ERICH5: variants seen among roughly 807,000 people sequenced by gnomAD.
ERICH5 encodes glutamate-rich protein 5.
A neutral mutation model predicts 28.0 loss-of-function variants in ERICH5; 24 were observed. That is an observed-to-expected ratio of 0.86 (90% confidence interval 0.62 to 1.21). The LOEUF (loss-of-function observed/expected upper bound fraction) is 1.21. Among genes scored for constraint, ERICH5 ranks in the 50% most tolerant of loss-of-function variants. The pLI, the probability that ERICH5 is intolerant of heterozygous loss-of-function variation, is 0.00. For missense variants in ERICH5, 421 were observed against 441.2 expected, an observed-to-expected ratio of 0.95 and a Z score of 0.41; for synonymous variants, 163 against 157.6, an observed-to-expected ratio of 1.03 and a Z score of -0.25.
Position 98,089,581 on chromosome 8 carries a change from A to G in ERICH5, c.564A>G (p.Leu188=). The G allele has an allele frequency of 6.2e-7, 1 of 1,614,254 alleles. No individual in the cohort carries two copies. The highest frequency in any genetic ancestry group is 8.5e-7 in the Non-Finnish European group (1 of 1,180,050). Residue 188 remains leucine, a synonymous_variant, in exon 2 of 3, where the codon CTA becomes CTG. Transcript: ENST00000318528. ...AAACTGCTGCAGAGATGAAGCCTCT[A>G]GGAACAACTGAGAACGTTCTGACTC... ...NPQTAAEMKP[L]GTTENVLTLQ...
At chr8:98,069,056 T>C (rs1041627525) in intron 1 of ERICH5, among the ~76,000 whole-genome samples, 2 of 152,230 alleles carry the variant, frequency 1.3e-5, no homozygotes, top group African/African-American at 4.8e-5. Flanking sequence ...TCCTTTTGAA[T>C]TGAAGAACAA....
chr8:98,087,587 A>G (rs1229451277), intron 1 of ERICH5, among the ~76,000 whole-genome samples: 1 of 151,752 alleles, frequency 6.6e-6, no homozygotes, highest in Admixed American at 6.6e-5. Flanking sequence ...CTCCCCCATC[A>G]TTTGTGATTT....
At chr8:98,085,783 T>A (rs927479299) in intron 1 of ERICH5, among the ~76,000 whole-genome samples, 1 of 152,238 alleles carries the variant, frequency 6.6e-6, no homozygotes, top group African/African-American at 2.4e-5. Flanking sequence ...TATCCTTTCC[T>A]GAGTCCTCCA....
chr8:98,080,634 T>TCTTCTC (rs963175629), intron 1 of ERICH5, among the ~76,000 whole-genome samples: 1 of 150,794 alleles, frequency 6.6e-6, no homozygotes, highest in African/African-American at 2.4e-5. Flanking sequence ...TCCTTCACCT[T>TCTTCTC]CTTCTCCTTC....
At chr8:98,077,072 G>C (rs1392687528) in intron 1 of ERICH5, among the ~76,000 whole-genome samples, 3 of 151,018 alleles carry the variant, frequency 2.0e-5, no homozygotes, top group Non-Finnish European at 2.9e-5. Flanking sequence ...AGACCAGCCT[G>C]GGCAACATAG....
intron 1 of ERICH5, among the ~76,000 whole-genome samples, chr8:98,066,554 G>A (rs1814822425): frequency 6.6e-6 from 1 of 152,204 alleles, no homozygotes; most frequent in Admixed American, 6.5e-5. Context: ...ACTATTCCAC[G>A]TGAGTTACAC....
At chr8:98,072,053 C>T (rs1482915317) in intron 1 of ERICH5, among the ~76,000 whole-genome samples, 1 of 151,968 alleles carries the variant, frequency 6.6e-6, no homozygotes, top group Non-Finnish European at 1.5e-5. Context: ...TGCCCAGCCC[C>T]ACATGGTTTT....
chr8:98,069,092 G>A (rs146772448), intron 1 of ERICH5, among the ~76,000 whole-genome samples: 1,565 of 152,230 alleles, frequency 0.01, 31 homozygotes, highest in African/African-American at 0.036. Flanking sequence ...AATTTAATTT[G>A]TATAGGCTTT....
At chr8:98,075,080 A>G (rs1272648676) in intron 1 of ERICH5, among the ~76,000 whole-genome samples, 4 of 151,858 alleles carry the variant, frequency 2.6e-5, no homozygotes, top group Non-Finnish European at 5.9e-5. Flanking sequence ...ATGACACTGG[A>G]GTTATGGGTT....
At chr8:98,086,593 A>G (rs1475919952) in intron 1 of ERICH5, among the ~76,000 whole-genome samples, 1 of 152,226 alleles carries the variant, frequency 6.6e-6, no homozygotes, top group East Asian at 1.9e-4. Flanking sequence ...ATACATTTGG[A>G]TATTGATATA....
At chr8:98,071,915 ATT>A (rs5893447) in intron 1 of ERICH5, among the ~76,000 whole-genome samples, 14,176 of 146,796 alleles carry the variant, frequency 0.097, 929 homozygotes, top group Admixed American at 0.2. Context: ...GTTTTATTTT[ATT>A]TTTTTTTTTT....
chr8:98,081,297 G>C (rs1466837442), intron 1 of ERICH5, among the ~76,000 whole-genome samples: 1 of 151,982 alleles, frequency 6.6e-6, no homozygotes, highest in Non-Finnish European at 1.5e-5. Context: ...GGTAGAGACA[G>C]GTTTCGCCAT....
At chr8:98,074,896 C>T (rs1210605766) in intron 1 of ERICH5, among the ~76,000 whole-genome samples, 4 of 152,158 alleles carry the variant, frequency 2.6e-5, no homozygotes, top group East Asian at 1.9e-4. Context: ...TCACTTCCAG[C>T]GTCCCATCCA....
chr8:98,070,536 A>G (rs183456094), intron 1 of ERICH5, among the ~76,000 whole-genome samples: 1 of 150,714 alleles, frequency 6.6e-6, no homozygotes, highest in East Asian at 2.0e-4. Context: ...CTAATTTTTT[A>G]CTGGTATGCT....
At position 98,091,891 on chromosome 8, in the gene ERICH5, T is replaced by TCTTC. The variant is rs1563759533; in HGVS notation, c.1013-1327_1013-1326insCCTT. 1.1e-3 allele frequency among the ~76,000 whole-genome samples: 80 copies of TCTTC among 74,424 alleles called. 1 individual carries two copies. The highest frequency in any genetic ancestry group is 3.9e-3 in the African/African-American group (79 of 20,112). The allele number at this position is 74,424 out of a possible 152,430, so 48.8% of individuals were successfully genotyped here. On this transcript the variant is annotated intron_variant, in intron 2 of 2. Transcript: ENST00000318528. Reference sequence around the variant, plus strand: ...TTCTTTCTTTCTTTCTTTCTTTCTTTCTTTCTTTCCTTTCTTTCTTTCTTT... The same window carrying TCTTC: ...TTCTTTCTTTCTTTCTTTCTTTCTTTCTTCCTTTCTTTCCTTTCTTTCTTTCTTT...
chr8:98,068,646 A>C (rs1044995248), intron 1 of ERICH5, among the ~76,000 whole-genome samples: 15 of 152,192 alleles, frequency 9.9e-5, no homozygotes, highest in Non-Finnish European at 8.8e-5. Context: ...ATAGACGTTC[A>C]CATCCAAACC....
Position 98,089,490 on chromosome 8 carries a change from G to A in ERICH5, c.473G>A (p.Gly158Asp). The stretch of plus-strand genomic sequence containing the variant: ...CAGCCTTTAGGACCAGAAGCCAAGG[G>A]TCAGCCTTTGCAGGCAGCAGTAGAG... ...EAQPLGPEAK[G>D]QPLQAAVEKD... The change falls in exon 2 of 3, where the codon GGT (glycine) becomes GAT (aspartate). Residue 158 changes from glycine (G) to aspartate (D), a missense_variant. Gly to Asp is a moderately conservative substitution (Grantham distance 94). Transcript: ENST00000318528. The A allele has an allele frequency of 6.2e-7, 1 of 1,614,190 alleles. No homozygotes were observed. Among genetic ancestry groups the A allele is most frequent in the Non-Finnish European group, 8.5e-7 (1 of 1,180,032 alleles).
chr8:98,072,097 T>C (rs1345019988), intron 1 of ERICH5, among the ~76,000 whole-genome samples: 1 of 152,060 alleles, frequency 6.6e-6, no homozygotes, highest in African/African-American at 2.4e-5. Context: ...TTAAACCTTA[T>C]GAAGGTGGGT....
At position 98,064,745 on chromosome 8, in the gene ERICH5, G is replaced by T; in HGVS notation, c.58+18G>T. The stretch of plus-strand genomic sequence containing the variant: ...CCCCAGCGGTGAGCAGGGTACCGGC[G>T]CCGCCCGCGCCCGGGCTGGGGACTC... On this transcript the variant is annotated intron_variant, in intron 1 of 2. Coordinates refer to ENST00000318528, the MANE Select transcript of ERICH5 (RefSeq NM_173549.3). The T allele has an allele frequency of 2.0e-6, 3 of 1,522,724 alleles. No individual in the cohort carries two copies. Among genetic ancestry groups the T allele is most frequent in the Non-Finnish European group, 2.6e-6 (3 of 1,137,618 alleles). 94.3% of individuals were successfully genotyped at this position (1,522,724 alleles called of 1,614,324 possible). A position where few individuals can be genotyped will look rare whatever the true frequency, so the allele number is the denominator to read the frequency against.
Sources: allele counts gnomAD v4.1 joint callset (sites outside exome capture counted in the v4.1 genomes callset), GRCh38; gene constraint gnomAD v4.1.1; transcripts MANE v1.5; gene names NCBI Gene and HGNC (gene_info 2026-07-23, HGNC 2026-07-21).